TRPM4: variants seen among roughly 807,000 people sequenced by gnomAD.
The protein encoded by TRPM4 is calcium-activated non-selective cation channel 1.
Under a neutral mutation model 135.6 loss-of-function variants are expected in TRPM4, and 124 were observed. The ratio of observed to expected loss-of-function variants is 0.91; its 90% CI spans 0.79 to 1.06. TRPM4 has a LOEUF of 1.06. Ranked by LOEUF, TRPM4 falls within the 50% of genes least tolerant of loss-of-function variation. The pLI, the probability that TRPM4 is intolerant of heterozygous loss-of-function variation, is 0.00. For missense variants in TRPM4, 1,658 were observed against 1,671.4 expected (o/e 0.99, Z 0.14); for synonymous variants, 745 against 705.6 (o/e 1.06, Z -0.88).
At position 49,182,111 on chromosome 19, in the gene TRPM4, T is replaced by C. The variant is rs796111817; in HGVS notation, c.1264-467T>C. 3.6e-3 allele frequency among the ~76,000 whole-genome samples: 460 copies of C among 127,344 alleles called. 5 individuals are homozygous for C. Among genetic ancestry groups the C allele is most frequent in the African/African-American group, 0.014 (399 of 28,510 alleles). The allele number at this position is 127,344 out of a possible 152,430, so 83.5% of individuals were successfully genotyped here. On this transcript the variant is annotated intron_variant, in intron 10 of 24. Transcript: ENST00000252826. Reference sequence around the variant, plus strand: ...ATCCATCTGTCCATCCATCCATCCATCCATCCATCCATCCATCTGTCCATT... The same window carrying C: ...ATCCATCTGTCCATCCATCCATCCACCCATCCATCCATCCATCTGTCCATT...
chr19:49,165,103 A>G (rs955316270), intron 2 of TRPM4, among the ~76,000 whole-genome samples: 1 of 152,006 alleles, frequency 6.6e-6, no homozygotes, highest in Non-Finnish European at 1.5e-5. Flanking sequence ...GGTGCCAATC[A>G]CCTTTAGAAA....
chr19:49,188,800 G>C, intron 13 of TRPM4, 30 bp downstream of exon 13: 1 of 1,613,412 alleles, frequency 6.2e-7, no homozygotes, highest in African/African-American at 1.3e-5. Context: ...TGGGAGCAGG[G>C]ACGGGGGCTG....
chr19:49,190,226 T>C lies in TRPM4; in HGVS notation c.2038T>C (p.Trp680Arg). 6.2e-7 allele frequency: 1 copy of C among 1,613,946 alleles called. No homozygotes were observed. Among genetic ancestry groups the C allele is most frequent in the Middle Eastern group, 1.6e-4 (1 of 6,062 alleles). The change falls in exon 15 of 25, where the codon TGG (tryptophan) becomes CGG (arginine). Residue 680 changes from tryptophan (W) to arginine (R), a missense_variant. Coordinates refer to ENST00000252826, the MANE Select transcript of TRPM4 (RefSeq NM_017636.4). ...CCCACAGTCTCTGCTGACACAGAAG[T>C]GGTGGGGAGATATGGCCAGCACTAC... is the stretch of plus-strand genomic sequence containing the variant. The part of the protein sequence containing the change: ...DGVQSLLTQK[W>R]WGDMASTTPI...
At chr19:49,170,889 C>G (rs1223902649) in intron 6 of TRPM4, among the ~76,000 whole-genome samples, 1 of 152,150 alleles carries the variant, frequency 6.6e-6, no homozygotes, top group African/African-American at 2.4e-5. Context: ...CGAGACCAGC[C>G]TGGGCAAGAT....
Position 49,172,097 on chromosome 19 carries a change from C to T in TRPM4, c.1139C>T (p.Ala380Val), listed in dbSNP as rs150894548. The change falls in exon 9 of 25, where the codon GCC becomes GTC. Residue 380 changes from alanine to valine, a missense_variant. By Grantham distance (64) the Ala-to-Val change is moderately conservative. This residue lies in a region of TRPM4 where 1,412 missense variants were observed against 1,408.7 expected (regional missense o/e 1.00). Coordinates refer to ENST00000252826, the MANE Select transcript of TRPM4 (RefSeq NM_017636.4). ...GAATTCGAGACCATAGTTTTGAAGG[C>T]CCTTGTGAAGGGTAAAAGTTGTACC... is the stretch of plus-strand genomic sequence containing the variant. ...SEEFETIVLK[A>V]LVKACGSSEA... 1.8e-5 allele frequency: 29 copies of T among 1,613,240 alleles called. No homozygotes were observed. The African/African-American group carries it at 3.5e-4, about 19-fold the overall frequency.
chr19:49,182,465 C>T, intron 10 of TRPM4, 113 bp from the exon 11 acceptor site: 1 of 407,704 alleles, frequency 2.5e-6, no homozygotes, highest in Non-Finnish European at 4.3e-6. Context: ...TCCATCCATC[C>T]ATCCATCCAT....
chr19:49,171,689 G>T lies in TRPM4; in HGVS notation c.970G>T (p.Gly324Trp), dbSNP rs548064960. ...TLEDTLAPGSGGARQGEARDR... is the reference protein window; with the variant it reads ...TLEDTLAPGSWGARQGEARDR... ...GGAAGACACTCTGGCCCCAGGGAGTGGGGGAGCCAGGCAAGGCGAAGCCCG... is the reference window on the plus strand; with the variant it reads ...GGAAGACACTCTGGCCCCAGGGAGTTGGGGAGCCAGGCAAGGCGAAGCCCG... The change falls in exon 8 of 25, where the codon GGG becomes TGG. Residue 324 changes from glycine to tryptophan, a missense_variant. By Grantham distance (184) the Gly-to-Trp change is radical (BLOSUM62 -2). This residue lies in a region of TRPM4 where 1,412 missense variants were observed against 1,408.7 expected (regional missense o/e 1.00). Transcript: ENST00000252826. The surrounding 1 kb of genome is among the most constrained non-coding windows in gnomAD (Gnocchi z 4.7). 11 of 1,614,006 alleles carry T rather than the reference G, an allele frequency of 6.8e-6. No individual in the cohort carries two copies. The highest frequency in any genetic ancestry group is 1.1e-5 in the South Asian group (1 of 91,086).
chr19:49,200,315 G>T lies in TRPM4; in HGVS notation c.2661G>T (p.Leu887Phe). The change falls in exon 18 of 25, where the codon TTG (leucine) becomes TTT (phenylalanine). Residue 887 changes from leucine (L) to phenylalanine (F), a missense_variant. Leu to Phe is a conservative substitution (Grantham distance 22). Transcript: ENST00000252826. ...CACACCCCAGGCTGACCCCGGGTTT[G>T]TACCACCTGGGCCGCACTGTCCTCT... ...LGVGCRLTPG[L>F]YHLGRTVLCI... The T allele has an allele frequency of 1.2e-6, 2 of 1,614,166 alleles. No individual in the cohort carries two copies. The highest frequency in any genetic ancestry group is 1.7e-6 in the Non-Finnish European group (2 of 1,180,038).
intron 20 of TRPM4, among the ~76,000 whole-genome samples, chr19:49,202,827 G>A (rs965492198): frequency 1.3e-5 from 2 of 150,606 alleles, no homozygotes; most frequent in African/African-American, 4.9e-5. Flanking sequence ...ATCGCGCCCA[G>A]CCAACTTTGT....
intron 9 of TRPM4, among the ~76,000 whole-genome samples, chr19:49,177,678 G>A (rs973392940): frequency 7.9e-5 from 12 of 152,138 alleles, no homozygotes; most frequent in African/African-American, 2.9e-4. Flanking sequence ...TGGGCAGTTG[G>A]TGTACTCTTT....
Position 49,190,843 on chromosome 19 carries a change from C to T in TRPM4, c.2210+70C>T, listed in dbSNP as rs149012335. The T allele has an allele frequency of 3.7e-4, 525 of 1,402,902 alleles. 2 individuals are homozygous for T. The East Asian group carries it at 0.011, about 30-fold the overall frequency. The allele number at this position is 1,402,902 out of a possible 1,614,324, so 86.9% of individuals were successfully genotyped here. On this transcript the variant is annotated intron_variant, in intron 16 of 24. Coordinates refer to ENST00000252826, the MANE Select transcript of TRPM4 (RefSeq NM_017636.4). The stretch of plus-strand genomic sequence containing the variant: ...CAGTTCAGGACATGTGCCAGTTCCA[C>T]GTTGTGTTAGTCCCCTCTTGAGTTG...
chr19:49,157,935 T>C (rs925931913), intron 1 of TRPM4, 45 bp downstream of exon 1: 14 of 1,529,352 alleles, frequency 9.2e-6, no homozygotes, highest in Admixed American at 5.9e-5. Context: ...GCTGGGGACC[T>C]CGCCTCCAGG....
At chr19:49,166,745 GGTCTCT>G (rs1600402977) in intron 3 of TRPM4, among the ~76,000 whole-genome samples, 2 of 135,432 alleles carry the variant, frequency 1.5e-5, no homozygotes, top group African/African-American at 5.6e-5. Flanking sequence ...CGTCTCTCTG[GGTCTCT>G]GTCTCTGTCT....
rs76379675 is a variant in TRPM4 at position 49,187,590 on chromosome 19, C to G, written c.1744-1051C>G. Among the ~76,000 whole-genome samples, 837 of 152,244 alleles carry G rather than the reference C, an allele frequency of 5.5e-3. 12 individuals carry two copies. The highest frequency in any genetic ancestry group is 0.019 in the African/African-American group (786 of 41,528). ...TCTTGAATTCCTGGGCTCAAGCAAT[C>G]CTCCTCATTTGTAACCACCCAATGG... On this transcript the variant is annotated intron_variant, in intron 12 of 24. Transcript: ENST00000252826.
intron 2 of TRPM4, among the ~76,000 whole-genome samples, chr19:49,163,198 ATTTT>A (rs71179098): frequency 2.6e-4 from 38 of 145,306 alleles, no homozygotes; most frequent in Non-Finnish European, 2.9e-4. Context: ...TATTATTATT[ATTTT>A]TTTTTTTTTT....
rs1219120532 is a variant in TRPM4, at chr19:49,167,160, CTCTCTGGGTCTCTGTCCCATG to C, written c.268-738_268-718del. Among the ~76,000 whole-genome samples the C allele has an allele frequency of 7.9e-4, 104 of 131,996 alleles. 1 individual carries two copies. Among genetic ancestry groups the C allele is most frequent in the African/African-American group, 2.8e-3 (96 of 33,710 alleles). 86.6% of individuals were successfully genotyped at this position (131,996 alleles called of 152,430 possible). A position where few individuals can be genotyped will look rare whatever the true frequency, so the allele number is the denominator to read the frequency against. ...TCTCTCTCTGGGTCTCTGTCGCCAT[CTCTCTGGGTCTCTGTCCCATG>C]TCTCTGGGTCTCTGTCCCTCTCTCT... On this transcript the variant is annotated intron_variant, in intron 3 of 24. Transcript: ENST00000252826.
chr19:49,201,000 C>CTTTTTTT (rs771981417), intron 19 of TRPM4, among the ~76,000 whole-genome samples: 1 of 140,764 alleles, frequency 7.1e-6, no homozygotes, highest in Non-Finnish European at 1.5e-5. Context: ...TTTCTTTTTT[C>CTTTTTTT]TTTTTTTTTT....
At chr19:49,202,193 C>G (rs1968964098) in intron 20 of TRPM4, 52 bp downstream of exon 20, 3 of 1,588,264 alleles carry the variant, frequency 1.9e-6, no homozygotes, top group Non-Finnish European at 2.6e-6. Flanking sequence ...ACCCGTGGCC[C>G]TCTCATGACT....
rs1334589849 is a variant in TRPM4, at chr19:49,200,765, T to C, written c.2933T>C (p.Ile978Thr). 2 of 1,614,030 alleles carry C rather than the reference T, an allele frequency of 1.2e-6. No individual in the cohort carries two copies. Among genetic ancestry groups the C allele is most frequent in the South Asian group, 1.1e-5 (1 of 91,080 alleles). ...YRPYLQIFGQIPQEDMDVALM... is the reference protein window; with the variant it reads ...YRPYLQIFGQTPQEDMDVALM... The stretch of plus-strand genomic sequence containing the variant: ...CCCTACCTGCAGATCTTCGGGCAGA[T>C]TCCCCAGGAGGACATGGACGGTAGG... Residue 978 changes from isoleucine to threonine, a missense_variant, in exon 19 of 25, where the codon ATT becomes ACT. Physicochemically the swap from Ile to Thr is moderately conservative, Grantham distance 89. Around this residue, in one of 3 missense-constraint regions of TRPM4, gnomAD observed 1,412 missense variants for 1,408.7 expected, o/e 1.00. Transcript: ENST00000252826.
Sources: allele counts gnomAD v4.1 joint callset (sites outside exome capture counted in the v4.1 genomes callset), GRCh38; gene constraint gnomAD v4.1.1; regional missense constraint gnomAD v4.1.1; non-coding constraint Gnocchi (gnomAD v3.1); transcripts MANE v1.5; gene names NCBI Gene and HGNC (gene_info 2026-07-23, HGNC 2026-07-21).